The following OR52A1 variants were observed in gnomAD, a reference collection of about 807,000 sequenced individuals.
The protein encoded by OR52A1 is olfactory receptor family 52 subfamily A member 1.
A neutral mutation model predicts 14.3 loss-of-function variants in OR52A1; 14 were observed. The ratio of observed to expected loss-of-function variants is 0.98; its 90% confidence interval spans 0.65 to 1.54. The LOEUF (loss-of-function observed/expected upper bound fraction) is 1.54. Ranked by LOEUF, OR52A1 falls within the 40% of genes most tolerant of loss-of-function variation. The probability of loss-of-function intolerance (pLI) is 0.00; values close to 1 mark genes in which losing one functional copy is unlikely to be tolerated. For synonymous variants in OR52A1, 151 were observed against 135.3 expected, an observed-to-expected ratio of 1.12 and a Z score of -0.80; for missense variants, 405 against 381.3, an observed-to-expected ratio of 1.06 and a Z score of -0.52.
rs1348780111 is a variant in OR52A1, at chr11:5,151,472, T to C, written c.898A>G (p.Thr300Ala). The C allele has an allele frequency of 6.2e-7, 1 of 1,613,336 alleles. No homozygotes were observed. Among genetic ancestry groups the C allele is most frequent in the Non-Finnish European group, 8.5e-7 (1 of 1,179,710 alleles). ...TTTACCACATGAATGCGAATCTGTGTGGTCTTTGCACCATAGACAAGTGGA... is the reference window on the plus strand; with the variant it reads ...TTTACCACATGAATGCGAATCTGTGCGGTCTTTGCACCATAGACAAGTGGA... ...LNPLVYGAKT[T>A]QIRIHVVKMF... The change falls in exon 2 of 2, where the codon ACA becomes GCA. Residue 300 changes from threonine to alanine, a missense_variant. Coordinates refer to ENST00000380367, the MANE Select transcript of OR52A1 (RefSeq NM_012375.3).
In OR52A1 at chr11:5,150,131, A is replaced by C. The variant is rs1164734089; in HGVS notation, c.*1300T>G. 6.6e-6 allele frequency: 1 copy of C among 152,038 alleles called. No individual in the cohort carries two copies. Among genetic ancestry groups the C allele is most frequent in the Non-Finnish European group, 1.5e-5 (1 of 68,010 alleles). 9.4% of individuals were successfully genotyped at this position (152,038 alleles called of 1,614,324 possible). ...AATTCTTATGCCACTAATTTTAGAC[A>C]ATATAGTCCTCCTCTTCACTAACAC... is the stretch of plus-strand genomic sequence containing the variant. On this transcript the variant is annotated 3_prime_UTR_variant, in exon 2 of 2. Transcript: ENST00000380367.
chr11:5,151,540 A>G lies in OR52A1; in HGVS notation c.830T>C (p.Ile277Thr). Reference protein sequence around the residue: ...FGSHISPYIHILFSSIYLLVP... With the variant: ...FGSHISPYIHTLFSSIYLLVP... ...CAGCAAGTAAATGCTAGAAAAGAGA[A>G]TATGGATATAAGGGGAGATGTGAGA... Residue 277 changes from isoleucine (I) to threonine (T), a missense_variant, in exon 2 of 2, where the codon ATT becomes ACT. By Grantham distance (89) the Ile-to-Thr change is moderately conservative. Coordinates refer to ENST00000380367, the MANE Select transcript of OR52A1 (RefSeq NM_012375.3). 1 of 1,612,752 alleles carries G rather than the reference A, an allele frequency of 6.2e-7. No homozygotes were observed. The highest frequency in any genetic ancestry group is 1.1e-5 in the South Asian group (1 of 90,936).
At position 5,154,673 on chromosome 11, in the gene OR52A1, A is replaced by G. The variant is rs1022085190; in HGVS notation, c.-548T>C. ...ACGGACATCTTCTTCTTCTTCTGGA[A>G]GTCTGTCTCAGACCATCTTTGTGTG... is the stretch of plus-strand genomic sequence containing the variant. On this transcript the variant is annotated 5_prime_UTR_variant, in exon 1 of 2. Coordinates refer to ENST00000380367, the MANE Select transcript of OR52A1 (RefSeq NM_012375.3). 8.5e-5 allele frequency: 13 copies of G among 152,224 alleles called. No individual in the cohort carries two copies. Among genetic ancestry groups the G allele is most frequent in the African/African-American group, 3.1e-4 (13 of 41,450 alleles). 9.4% of individuals were successfully genotyped at this position (152,224 alleles called of 1,614,324 possible). A position where few individuals can be genotyped will look rare whatever the true frequency, so the allele number is the denominator to read the frequency against.
rs756135235 is a variant in OR52A1 at position 5,151,725 on chromosome 11, T to G, written c.645A>C (p.Thr215=). The G allele has an allele frequency of 2.5e-6, 4 of 1,614,052 alleles. No individual in the cohort carries two copies. Among genetic ancestry groups the G allele is most frequent in the Admixed American group, 1.7e-5 (1 of 60,002 alleles). Residue 215 remains threonine, a synonymous_variant, in exon 2 of 2, where the codon ACA becomes ACC. Transcript: ENST00000380367. ...VAFTVAGFDL[T]FITLSYIQIF... ...TCTGGATGTAGGACAATGTGATGAA[T>G]GTGAGGTCAAATCCTGCTACAGTGA...
rs529786246 is a variant in OR52A1 at position 5,153,972 on chromosome 11, A to G, written c.-322+475T>C. 5.9e-5 allele frequency among the ~76,000 whole-genome samples: 9 copies of G among 152,274 alleles called. No individual in the cohort carries two copies. The East Asian group carries it at 9.6e-4, about 16-fold the overall frequency. On this transcript the variant is annotated intron_variant, in intron 1 of 1. Transcript: ENST00000380367. ...TGAAAGAACCAAATCAGCAGAGGAC[A>G]TTTCATGACAGGGAGGCTGTATCAG...
rs1000514634 is a variant in OR52A1 at position 5,147,640 on chromosome 11, T to C, written c.*3791A>G. 3 of 152,176 alleles carry C rather than the reference T, an allele frequency of 2.0e-5. No individual in the cohort carries two copies. The highest frequency in any genetic ancestry group is 4.8e-5 in the African/African-American group (2 of 41,436). 9.4% of individuals were successfully genotyped at this position (152,176 alleles called of 1,614,324 possible). On this transcript the variant is annotated 3_prime_UTR_variant, in exon 2 of 2. Transcript: ENST00000380367. ...TCATATAGATACATAGATACAGATA[T>C]ATATGTATAGGTATACATATCTGCA...
rs1296592070 is a variant in OR52A1 at position 5,152,270 on chromosome 11, A to C, written c.100T>G (p.Cys34Gly). The part of the protein sequence containing the change: ...SVQCWIGIPF[C>G]AIYLIAMIGN... ...ATCATAGCAATGAGATAAATGGCAC[A>C]GAATGGAATCCCAATCCAGCACTGC... is the stretch of plus-strand genomic sequence containing the variant. Residue 34 changes from cysteine to glycine, a missense_variant, in exon 2 of 2, where the codon TGT becomes GGT. By Grantham distance (159) the Cys-to-Gly change is radical. Transcript: ENST00000380367. 2 of 1,614,190 alleles carry C rather than the reference A, an allele frequency of 1.2e-6. No homozygotes were observed. Among genetic ancestry groups the C allele is most frequent in the South Asian group, 2.2e-5 (2 of 91,088 alleles).
At position 5,152,133 on chromosome 11, in the gene OR52A1, A is replaced by G; in HGVS notation, c.237T>C (p.Ile79=). 1.2e-6 allele frequency: 2 copies of G among 1,614,138 alleles called. No homozygotes were observed. Among genetic ancestry groups the G allele is most frequent in the Non-Finnish European group, 1.7e-6 (2 of 1,179,974 alleles). The change falls in exon 2 of 2, where the codon ATT becomes ATC. Residue 79 remains isoleucine, a synonymous_variant. Coordinates refer to ENST00000380367, the MANE Select transcript of OR52A1 (RefSeq NM_012375.3). ...GATDIALASS[I]MPKMLGIFWF... is the part of the protein sequence containing the mutation. ...AGAATATTCCAAGCATCTTTGGCAT[A>G]ATGCTGCTAGCAAGTGCAATGTCTG... is the stretch of plus-strand genomic sequence containing the variant.
In OR52A1 at chr11:5,151,360, T is replaced by A; in HGVS notation, c.*71A>T. 1.6e-6 allele frequency: 2 copies of A among 1,274,568 alleles called. No individual in the cohort carries two copies. Among genetic ancestry groups the A allele is most frequent in the Non-Finnish European group, 2.2e-6 (2 of 913,536 alleles). 79.0% of individuals were successfully genotyped at this position (1,274,568 alleles called of 1,614,324 possible). A position where few individuals can be genotyped will look rare whatever the true frequency, so the allele number is the denominator to read the frequency against. Reference sequence around the variant, plus strand: ...CAAACCCAGCATCTCAAATAATATGTTTTTTGTTTTGTTTTGATATGGTTA... The same window carrying A: ...CAAACCCAGCATCTCAAATAATATGATTTTTGTTTTGTTTTGATATGGTTA... On this transcript the variant is annotated 3_prime_UTR_variant, in exon 2 of 2. Transcript: ENST00000380367.
Position 5,149,786 on chromosome 11 carries a change from T to A in OR52A1, c.*1645A>T, listed in dbSNP as rs1846521195. 1 of 152,196 alleles carries A rather than the reference T, an allele frequency of 6.6e-6. No homozygotes were observed. The highest frequency in any genetic ancestry group is 1.5e-5 in the Non-Finnish European group (1 of 68,032). 9.4% of individuals were successfully genotyped at this position (152,196 alleles called of 1,614,324 possible). On this transcript the variant is annotated 3_prime_UTR_variant, in exon 2 of 2. Transcript: ENST00000380367. ...TTTATTTTTGAGAAAATTATGTTAC[T>A]TAAGAAAAACCATCCCTATTGGTAA...
rs939594949 is a variant in OR52A1 at position 5,149,070 on chromosome 11, T to A, written c.*2361A>T. 3 of 152,096 alleles carry A rather than the reference T, an allele frequency of 2.0e-5. No homozygotes were observed. Among genetic ancestry groups the A allele is most frequent in the African/African-American group, 7.2e-5 (3 of 41,410 alleles). 9.4% of individuals were successfully genotyped at this position (152,096 alleles called of 1,614,324 possible). A position where few individuals can be genotyped will look rare whatever the true frequency, so the allele number is the denominator to read the frequency against. On this transcript the variant is annotated 3_prime_UTR_variant, in exon 2 of 2. Coordinates refer to ENST00000380367, the MANE Select transcript of OR52A1 (RefSeq NM_012375.3). ...CTTTCAAGCAATTTTATGTTAAAGA[T>A]TTTTTTTCAATAATTGTCCCCGTCC... is the stretch of plus-strand genomic sequence containing the variant.
At chr11:5,154,119 GC>G (rs971059535) in intron 1 of OR52A1, among the ~76,000 whole-genome samples, 12 of 152,020 alleles carry the variant, frequency 7.9e-5, no homozygotes, top group Non-Finnish European at 1.6e-4. Context: ...TCTAATAGGG[GC>G]AAATTTTTTC....
chr11:5,149,212 C>T lies in OR52A1; in HGVS notation c.*2219G>A, dbSNP rs1421779255. On this transcript the variant is annotated 3_prime_UTR_variant, in exon 2 of 2. Transcript: ENST00000380367. Reference sequence around the variant, plus strand: ...TGGGACTGATCCTGAAATTTGAAGACTACAGTAATTAAACAATATGAACTC... The same window carrying T: ...TGGGACTGATCCTGAAATTTGAAGATTACAGTAATTAAACAATATGAACTC... 2.0e-5 allele frequency: 3 copies of T among 152,232 alleles called. No homozygotes were observed. Among genetic ancestry groups the T allele is most frequent in the South Asian group, 4.1e-4 (2 of 4,830 alleles). The allele number at this position is 152,232 out of a possible 1,614,324, so 9.4% of individuals were successfully genotyped here. A position where few individuals can be genotyped will look rare whatever the true frequency, so the allele number is the denominator to read the frequency against.
Position 5,147,785 on chromosome 11 carries a change from T to C in OR52A1, c.*3646A>G, listed in dbSNP as rs937813517. On this transcript the variant is annotated 3_prime_UTR_variant, in exon 2 of 2. Transcript: ENST00000380367. ...TAAATAGATGTGGTAGGACAAAATA[T>C]TACCTGTATTTTTTTTTTTTTTTCG... 1.4e-4 allele frequency: 21 copies of C among 151,962 alleles called. No individual in the cohort carries two copies. Among genetic ancestry groups the C allele is most frequent in the African/African-American group, 4.6e-4 (19 of 41,342 alleles). 9.4% of individuals were successfully genotyped at this position (151,962 alleles called of 1,614,324 possible). A position where few individuals can be genotyped will look rare whatever the true frequency, so the allele number is the denominator to read the frequency against.
Position 5,147,226 on chromosome 11 carries a change from T to G in OR52A1, c.*4205A>C, listed in dbSNP as rs1431120940. ...ATGTTGAGTCTCTGGTGTGGGGAGGTGCTGTACTTACCTGCTCTCTGCCTT... is the reference window on the plus strand; with the variant it reads ...ATGTTGAGTCTCTGGTGTGGGGAGGGGCTGTACTTACCTGCTCTCTGCCTT... On this transcript the variant is annotated 3_prime_UTR_variant, in exon 2 of 2. Coordinates refer to ENST00000380367, the MANE Select transcript of OR52A1 (RefSeq NM_012375.3). 5 of 152,084 alleles carry G rather than the reference T, an allele frequency of 3.3e-5. No individual in the cohort carries two copies. The highest frequency in any genetic ancestry group is 1.2e-4 in the African/African-American group (5 of 41,378). 9.4% of individuals were successfully genotyped at this position (152,084 alleles called of 1,614,324 possible). A position where few individuals can be genotyped will look rare whatever the true frequency, so the allele number is the denominator to read the frequency against.
chr11:5,152,082 A>C lies in OR52A1; in HGVS notation c.288T>G (p.Phe96Leu), dbSNP rs187754003. 6.2e-7 allele frequency: 1 copy of C among 1,614,102 alleles called. No homozygotes were observed. The highest frequency in any genetic ancestry group is 1.3e-5 in the African/African-American group (1 of 75,064). The part of the protein sequence containing the change: ...IFWFNVPEIY[F>L]DSCLLQMWFI... ...ACCACATTTGAAGCAAGCAGGAATC[A>C]AAATAGATTTCAGGCACATTAAACC... is the stretch of plus-strand genomic sequence containing the variant. Residue 96 changes from phenylalanine to leucine, a missense_variant, in exon 2 of 2, where the codon TTT (phenylalanine) becomes TTG (leucine). By Grantham distance (22) the Phe-to-Leu change is conservative. Coordinates refer to ENST00000380367, the MANE Select transcript of OR52A1 (RefSeq NM_012375.3).
At position 5,152,317 on chromosome 11, in the gene OR52A1, C is replaced by T. The variant is rs1846556790; in HGVS notation, c.53G>A (p.Gly18Glu). The change falls in exon 2 of 2, where the codon GGG (glycine) becomes GAG (glutamate). Residue 18 changes from glycine (G) to glutamate (E), a missense_variant. By Grantham distance (98) the Gly-to-Glu change is moderately conservative. Coordinates refer to ENST00000380367, the MANE Select transcript of OR52A1 (RefSeq NM_012375.3). The part of the protein sequence containing the change: ...VYMPSVLTLV[G>E]IPGLESVQCW... ...CTGCACAGATTCTAGGCCTGGGATC[C>T]CTACTAGTGTCAACACAGAGGGCAT... 6.2e-7 allele frequency: 1 copy of T among 1,613,698 alleles called. No homozygotes were observed. The highest frequency in any genetic ancestry group is 2.2e-5 in the East Asian group (1 of 44,872).
rs1322159492 is a variant in OR52A1, at chr11:5,152,158, G to T, written c.212C>A (p.Thr71Lys). Reference sequence around the variant, plus strand: ...AATGCTGCTAGCAAGTGCAATGTCTGTGGCTCCTAGCATGCCTAAGAAAAT... The same window carrying T: ...AATGCTGCTAGCAAGTGCAATGTCTTTGGCTCCTAGCATGCCTAAGAAAAT... ...LYIFLGMLGA[T>K]DIALASSIMP... Residue 71 changes from threonine to lysine, a missense_variant, in exon 2 of 2, where the codon ACA becomes AAA. Thr to Lys is a moderately conservative substitution (Grantham distance 78). Coordinates refer to ENST00000380367, the MANE Select transcript of OR52A1 (RefSeq NM_012375.3). 2 of 1,613,950 alleles carry T rather than the reference G, an allele frequency of 1.2e-6. No individual in the cohort carries two copies. Among genetic ancestry groups the T allele is most frequent in the Non-Finnish European group, 1.7e-6 (2 of 1,179,936 alleles).
rs1027165655 is a variant in OR52A1, at chr11:5,148,295, G to A, written c.*3136C>T. 1 of 151,022 alleles carries A rather than the reference G, an allele frequency of 6.6e-6. No homozygotes were observed. The highest frequency in any genetic ancestry group is 6.6e-5 in the Admixed American group (1 of 15,154). The allele number at this position is 151,022 out of a possible 1,614,324, so 9.4% of individuals were successfully genotyped here. ...GGCTGGAGTGCAGTGGCACCATCTC[G>A]GGTCACCGCAACCTCCGCCCTCCGA... On this transcript the variant is annotated 3_prime_UTR_variant, in exon 2 of 2. Transcript: ENST00000380367.
Sources: allele counts gnomAD v4.1 joint callset (sites outside exome capture counted in the v4.1 genomes callset), GRCh38; gene constraint gnomAD v4.1.1; transcripts MANE v1.5; gene names NCBI Gene and HGNC (gene_info 2026-07-23, HGNC 2026-07-21).